RIMBP2: variants seen among roughly 807,000 people sequenced by gnomAD.
RIMBP2 encodes RIMS-binding protein 2.
Under a neutral mutation model 118.6 loss-of-function variants are expected in RIMBP2, and 48 were observed. That is an observed-to-expected ratio of 0.40 (90% CI 0.32 to 0.51). The LOEUF (loss-of-function observed/expected upper bound fraction) is 0.51. Among genes scored for constraint, RIMBP2 ranks in the 20% least tolerant of loss-of-function variants. The probability of loss-of-function intolerance (pLI) is 0.41; values close to 1 mark genes in which losing one functional copy is unlikely to be tolerated. For synonymous variants in RIMBP2, 762 were observed against 742.9 expected (o/e 1.03, Z -0.42); for missense variants, 1,551 against 1,768.3 (o/e 0.88, Z 2.20).
intron 2 of RIMBP2, among the ~76,000 whole-genome samples, chr12:130,548,589 T>G (rs1299408235): frequency 1.3e-5 from 2 of 152,078 alleles, no homozygotes; most frequent in Non-Finnish European, 2.9e-5. Context: ...CTTGTTTGTT[T>G]TTGAGACAGA....
At chr12:130,583,582 G>T (rs566518956) in intron 2 of RIMBP2, among the ~76,000 whole-genome samples, 1 of 124,914 alleles carries the variant, frequency 8.0e-6, no homozygotes, top group Admixed American at 8.3e-5. Flanking sequence ...CCTCATCACC[G>T]TTTCATCATC....
chr12:130,649,423 G>A (rs959688185), intron 1 of RIMBP2, among the ~76,000 whole-genome samples: 8 of 152,210 alleles, frequency 5.3e-5, no homozygotes, highest in African/African-American at 1.9e-4. Context: ...TACTGGGAAG[G>A]GCGGCGCCTT....
At chr12:130,638,448 T>C (rs1014334290) in intron 1 of RIMBP2, among the ~76,000 whole-genome samples, 1 of 152,216 alleles carries the variant, frequency 6.6e-6, no homozygotes, top group Non-Finnish European at 1.5e-5. Context: ...CTAGTAAAGG[T>C]AGCCTGTTAG....
chr12:130,401,842 TGGA>T (rs1185203311), intron 21 of RIMBP2, among the ~76,000 whole-genome samples: 1 of 152,144 alleles, frequency 6.6e-6, no homozygotes, highest in Admixed American at 6.5e-5. Context: ...GAGCACCAGA[TGGA>T]GTAGTTGGCT....
At chr12:130,553,636 T>C (rs555364226) in intron 2 of RIMBP2, among the ~76,000 whole-genome samples, 1 of 152,260 alleles carries the variant, frequency 6.6e-6, no homozygotes, top group East Asian at 1.9e-4. Flanking sequence ...CCAAGCTACT[T>C]GGGAGGCTGA....
intron 1 of RIMBP2, among the ~76,000 whole-genome samples, chr12:130,694,674 G>C (rs59356907): frequency 0.01 from 1,553 of 152,280 alleles, 30 homozygotes; most frequent in African/African-American, 0.036. Context: ...GACTGGCTTA[G>C]TCCCCACTGC....
intron 21 of RIMBP2, among the ~76,000 whole-genome samples, chr12:130,401,118 C>CTT (rs761521395): frequency 6.7e-6 from 1 of 149,680 alleles, no homozygotes; most frequent in African/African-American, 2.5e-5. Flanking sequence ...GATTTTATAT[C>CTT]TTTTTTTTTT....
chr12:130,462,154 C>A (rs1008123057), intron 6 of RIMBP2, among the ~76,000 whole-genome samples: 1 of 152,200 alleles, frequency 6.6e-6, no homozygotes, highest in Non-Finnish European at 1.5e-5. Context: ...GCCCTCATGG[C>A]CCTGTAGATG....
At chr12:130,514,216 C>G (rs1248904972) in intron 3 of RIMBP2, among the ~76,000 whole-genome samples, 1 of 152,258 alleles carries the variant, frequency 6.6e-6, no homozygotes, top group Non-Finnish European at 1.5e-5. Flanking sequence ...GCCGGGTGAG[C>G]TGCTGGGCTC....
intron 2 of RIMBP2, among the ~76,000 whole-genome samples, chr12:130,524,318 C>G (rs372053926): frequency 9.3e-5 from 14 of 149,836 alleles, no homozygotes; most frequent in African/African-American, 3.4e-4. Context: ...AGGCATGAGC[C>G]AGGCCAGATT....
At chr12:130,459,783 G>C (rs557356133) in intron 6 of RIMBP2, among the ~76,000 whole-genome samples, 119 of 152,180 alleles carry the variant, frequency 7.8e-4, no homozygotes, top group Admixed American at 1.2e-3. Context: ...GACGGGGGGT[G>C]GGGGGCCAAG....
intron 3 of RIMBP2, among the ~76,000 whole-genome samples, chr12:130,510,574 T>TTC (rs1420258410): frequency 6.6e-6 from 1 of 152,084 alleles, no homozygotes; most frequent in Non-Finnish European, 1.5e-5. Context: ...GTTCAAGGGA[T>TTC]TCTCATGCCT....
intron 2 of RIMBP2, among the ~76,000 whole-genome samples, chr12:130,563,069 C>T (rs1051717668): frequency 5.3e-5 from 8 of 152,182 alleles, no homozygotes; most frequent in African/African-American, 7.2e-5. Flanking sequence ...AACGCATTCA[C>T]GCTGCATAAA....
chr12:130,514,561 G>A (rs1235647022), intron 3 of RIMBP2, among the ~76,000 whole-genome samples: 1 of 152,160 alleles, frequency 6.6e-6, no homozygotes, highest in African/African-American at 2.4e-5. Context: ...GCCCAGCTCA[G>A]GAGTGGAACG....
At chr12:130,531,841 C>G (rs900342917) in intron 2 of RIMBP2, among the ~76,000 whole-genome samples, 7 of 151,026 alleles carry the variant, frequency 4.6e-5, no homozygotes, top group African/African-American at 1.7e-4. Flanking sequence ...GGAGTTACGT[C>G]TAATGAGATG....
At chr12:130,457,238 A>C (rs543338955) in intron 6 of RIMBP2, among the ~76,000 whole-genome samples, 1 of 152,184 alleles carries the variant, frequency 6.6e-6, no homozygotes. Context: ...AACCCTTAAG[A>C]GCACCACTTG....
At position 130,445,144 on chromosome 12, in the gene RIMBP2, A is replaced by G. The variant is rs539001774; in HGVS notation, c.691+16T>C. On this transcript the variant is annotated intron_variant, in intron 10 of 22. Transcript: ENST00000690449. Reference sequence around the variant, plus strand: ...GGCCCAGCCTACGTCCGCCACAGCCATGTTCCAACAGAGACCTTCATAGAA... The same window carrying G: ...GGCCCAGCCTACGTCCGCCACAGCCGTGTTCCAACAGAGACCTTCATAGAA... 4 of 1,554,398 alleles carry G rather than the reference A, an allele frequency of 2.6e-6. No homozygotes were observed. Among genetic ancestry groups the G allele is most frequent in the Admixed American group, 3.6e-5 (2 of 54,872 alleles).
At chr12:130,714,006 C>T (rs1950149874) in intron 1 of RIMBP2, among the ~76,000 whole-genome samples, 1 of 152,218 alleles carries the variant, frequency 6.6e-6, no homozygotes, top group African/African-American at 2.4e-5. Flanking sequence ...CCTCCCCAGA[C>T]CTGCTGGATC....
chr12:130,591,817 T>C (rs979155225), intron 2 of RIMBP2, among the ~76,000 whole-genome samples: 2 of 152,212 alleles, frequency 1.3e-5, no homozygotes, highest in African/African-American at 4.8e-5. Context: ...GATTGGGACA[T>C]AGACATATTT....
Sources: gnomAD v4.1 joint callset for allele counts (sites outside exome capture counted in the v4.1 genomes callset) on GRCh38, gnomAD v4.1.1 for gene constraint, MANE v1.5 for transcripts, NCBI Gene and HGNC (gene_info 2026-07-23, HGNC 2026-07-21) for gene names.